The following EYA1 variants were observed in gnomAD, a reference collection of about 807,000 sequenced individuals.
EYA1 encodes the protein EYA transcriptional coactivator and phosphatase 1.
Under a neutral mutation model 82.0 loss-of-function variants are expected in EYA1, and 16 were observed. The observed-to-expected ratio is 0.20, with a 90% CI of 0.13 to 0.30. EYA1 has a LOEUF of 0.30. Among genes scored for constraint, EYA1 ranks in the 10% least tolerant of loss-of-function variants. EYA1 has a pLI of 1.00. For missense variants in EYA1, 633 were observed against 730.7 expected, an observed-to-expected ratio of 0.87 and a Z score of 1.54; for synonymous variants, 261 against 264.4, an observed-to-expected ratio of 0.99 and a Z score of 0.12.
At chr8:71,411,839 G>C (rs969923745) in intron 2 of EYA1, among the ~76,000 whole-genome samples, 1 of 146,970 alleles carries the variant, frequency 6.8e-6, no homozygotes, top group South Asian at 2.2e-4. Flanking sequence ...CAGGGATCTA[G>C]AACTAGAAAT....
At chr8:71,531,370 G>T (rs1366935650) in intron 2 of EYA1, 2 of 152,112 alleles carry the variant, frequency 1.3e-5, no homozygotes, top group Non-Finnish European at 2.9e-5. Flanking sequence ...GCTAGTAAAA[G>T]ATAAAACCAG....
At chr8:71,262,166 C>A (rs1407908186) in intron 11 of EYA1, among the ~76,000 whole-genome samples, 1 of 152,046 alleles carries the variant, frequency 6.6e-6, no homozygotes, top group African/African-American at 2.4e-5. Context: ...TTCTTATTGG[C>A]AAAAAGAAGG....
At chr8:71,320,576 C>T (rs2129029838) in intron 6 of EYA1, among the ~76,000 whole-genome samples, 1 of 152,100 alleles carries the variant, frequency 6.6e-6, no homozygotes, top group Non-Finnish European at 1.5e-5. Flanking sequence ...TTAGGGCTGT[C>T]TCTAAAGTCT....
intron 2 of EYA1, among the ~76,000 whole-genome samples, chr8:71,406,542 T>C (rs536356768): frequency 1.1e-3 from 165 of 152,002 alleles, no homozygotes; most frequent in African/African-American, 3.4e-3. Context: ...CGAAGCAGGG[T>C]GAGGCATTGC....
intron 7 of EYA1, among the ~76,000 whole-genome samples, chr8:71,313,050 C>G (rs779628041): frequency 1.8e-4 from 28 of 152,164 alleles, no homozygotes; most frequent in Non-Finnish European, 3.8e-4. Flanking sequence ...ATGACTGTCT[C>G]TCTCCCACCA....
At chr8:71,480,563 T>TG (rs1810059163) in intron 2 of EYA1, among the ~76,000 whole-genome samples, 1 of 151,262 alleles carries the variant, frequency 6.6e-6, no homozygotes, top group African/African-American at 2.4e-5. Flanking sequence ...CCTTCTAAAG[T>TG]GAAAAAAAAA....
At chr8:71,454,610 G>A (rs1807717811) in intron 2 of EYA1, among the ~76,000 whole-genome samples, 1 of 152,190 alleles carries the variant, frequency 6.6e-6, no homozygotes, top group Admixed American at 6.5e-5. Flanking sequence ...TCAGGGTTAA[G>A]AAACTCACTA....
chr8:71,543,076 C>T (rs1467999552), intron 1 of EYA1, among the ~76,000 whole-genome samples: 3 of 152,110 alleles, frequency 2.0e-5, no homozygotes, highest in Non-Finnish European at 4.4e-5. Flanking sequence ...GCTTTTGTTG[C>T]AATTGCTTTT....
At chr8:71,468,360 A>G (rs1275664980) in intron 2 of EYA1, among the ~76,000 whole-genome samples, 2 of 152,122 alleles carry the variant, frequency 1.3e-5, no homozygotes, top group African/African-American at 4.8e-5. Context: ...CCAGCTTTGC[A>G]ATTACAGGCC....
At chr8:71,258,739 ACTG>A (rs1814744432) in intron 11 of EYA1, among the ~76,000 whole-genome samples, 1 of 152,190 alleles carries the variant, frequency 6.6e-6, no homozygotes, top group Non-Finnish European at 1.5e-5. Context: ...TTACATTTGC[ACTG>A]CTAATTCTAG....
At chr8:71,405,387 A>T (rs533645671) in intron 2 of EYA1, among the ~76,000 whole-genome samples, 25 of 152,346 alleles carry the variant, frequency 1.6e-4, no homozygotes, top group Middle Eastern at 3.4e-3. Flanking sequence ...ATGTGGGTCA[A>T]TCAGAATTAA....
chr8:71,227,171 T>C (rs1046951297), intron 12 of EYA1, among the ~76,000 whole-genome samples: 1 of 152,188 alleles, frequency 6.6e-6, no homozygotes, highest in African/African-American at 2.4e-5. Flanking sequence ...ACATCTAATA[T>C]AAATATCATT....
chr8:71,233,405 A>C (rs1046871949), intron 12 of EYA1, among the ~76,000 whole-genome samples: 1 of 151,912 alleles, frequency 6.6e-6, no homozygotes, highest in East Asian at 1.9e-4. Context: ...TCTACTAAAA[A>C]CACAAAAAAT....
intron 9 of EYA1, among the ~76,000 whole-genome samples, chr8:71,285,123 T>C (rs977641106): frequency 3.3e-5 from 5 of 152,202 alleles, no homozygotes; most frequent in Admixed American, 6.5e-5. Flanking sequence ...ATCATTAAAA[T>C]CTCATTTCCA....
chr8:71,446,642 A>G (rs1806901036), intron 2 of EYA1, among the ~76,000 whole-genome samples: 1 of 152,218 alleles, frequency 6.6e-6, no homozygotes, highest in African/African-American at 2.4e-5. Context: ...AGACAAGTGA[A>G]CAGCAATTCA....
rs58853483 is a variant in EYA1 at position 71,491,717 on chromosome 8, T to C, written c.33+44027A>G. Among the ~76,000 whole-genome samples the C allele has an allele frequency of 5.2e-3, 786 of 152,286 alleles. 9 individuals carry two copies. Among genetic ancestry groups the C allele is most frequent in the African/African-American group, 0.018 (740 of 41,562 alleles). ...CAGTCTGTGGCAGTATTATGGCAGC[T>C]GTAGCAAGTTAACACACAGGAATCA... On this transcript the variant is annotated intron_variant, in intron 2 of 18. Coordinates refer to the EYA1 transcript ENST00000643681.
At chr8:71,482,612 T>C (rs922831869) in intron 2 of EYA1, among the ~76,000 whole-genome samples, 2 of 152,056 alleles carry the variant, frequency 1.3e-5, no homozygotes, top group African/African-American at 4.8e-5. Flanking sequence ...ACATAATTCA[T>C]AAAAGTCAAA....
At chr8:71,510,755 G>A (rs373213484) in intron 2 of EYA1, among the ~76,000 whole-genome samples, 1 of 152,232 alleles carries the variant, frequency 6.6e-6, no homozygotes, top group East Asian at 1.9e-4. Flanking sequence ...CACTATTGTG[G>A]CAAAAACTGA....
intron 2 of EYA1, among the ~76,000 whole-genome samples, chr8:71,525,303 T>G (rs1422115218): frequency 6.6e-6 from 1 of 152,178 alleles, no homozygotes; most frequent in Non-Finnish European, 1.5e-5. Flanking sequence ...AGTCACAGAG[T>G]TGCATGAAAT....
Sources: allele counts gnomAD v4.1 joint callset (sites outside exome capture counted in the v4.1 genomes callset), GRCh38; gene constraint gnomAD v4.1.1; transcripts MANE v1.5; gene names NCBI Gene and HGNC (gene_info 2026-07-23, HGNC 2026-07-21).